CNBD2: variants seen among roughly 807,000 people sequenced by gnomAD.
CNBD2 encodes cyclic nucleotide-binding domain-containing protein 2.
Under a neutral mutation model 63.7 loss-of-function variants are expected in CNBD2, and 64 were observed. That is an observed-to-expected ratio of 1.00 (90% CI 0.82 to 1.24). The LOEUF is 1.24. Ranked by LOEUF, CNBD2 falls within the 50% of genes most tolerant of loss-of-function variation. CNBD2 has a pLI of 0.00. For missense variants in CNBD2, 691 were observed against 713.5 expected, an observed-to-expected ratio of 0.97 and a Z score of 0.36; for synonymous variants, 229 against 255.4, an observed-to-expected ratio of 0.90 and a Z score of 0.99.
intron 2 of CNBD2, among the ~76,000 whole-genome samples, chr20:35,960,682 G>A (rs1248878127): frequency 6.7e-6 from 1 of 150,058 alleles, no homozygotes; most frequent in East Asian, 2.0e-4. Flanking sequence ...TCTCTATACT[G>A]CCATACTCCT....
chr20:35,985,251 A>T (rs1250584590), intron 6 of CNBD2, among the ~76,000 whole-genome samples: 1 of 152,054 alleles, frequency 6.6e-6, no homozygotes, highest in Non-Finnish European at 1.5e-5. Context: ...GTGAGTTGTG[A>T]TCGCATCACT....
intron 4 of CNBD2, among the ~76,000 whole-genome samples, chr20:35,983,482 C>G (rs1329648648): frequency 1.3e-5 from 2 of 152,062 alleles, no homozygotes; most frequent in African/African-American, 4.8e-5. Context: ...ATGATAAGAC[C>G]ATTATCTGTG....
intron 8 of CNBD2, among the ~76,000 whole-genome samples, chr20:35,997,012 A>C (rs1260430408): frequency 1.3e-5 from 2 of 152,198 alleles, no homozygotes; most frequent in Non-Finnish European, 2.9e-5. Flanking sequence ...GACGTTGTCA[A>C]GTAGCAGCCT....
intron 11 of CNBD2, among the ~76,000 whole-genome samples, chr20:36,027,677 AT>A (rs1199936284): frequency 4.5e-3 from 630 of 141,342 alleles, no homozygotes; most frequent in Middle Eastern, 7.5e-3. Context: ...ATCATTTGTA[AT>A]TTTTTTTTTT....
intron 10 of CNBD2, among the ~76,000 whole-genome samples, chr20:36,017,607 C>T (rs975889728): frequency 1.3e-5 from 2 of 152,184 alleles, no homozygotes; most frequent in African/African-American, 2.4e-5. Context: ...CTGCCCTGTT[C>T]CCCAAAACAG....
chr20:35,971,157 C>T (rs1381746454), intron 1 of CNBD2, among the ~76,000 whole-genome samples: 2 of 150,924 alleles, frequency 1.3e-5, no homozygotes, highest in Non-Finnish European at 3.0e-5. Context: ...CCGTGTTAGC[C>T]GGGATGGTCT....
intron 1 of CNBD2, among the ~76,000 whole-genome samples, chr20:35,971,172 C>T (rs1190979680): frequency 6.6e-6 from 1 of 151,918 alleles, no homozygotes; most frequent in Non-Finnish European, 1.5e-5. Context: ...TGGTCTCGAT[C>T]TCCTGACCTC....
intron 7 of CNBD2, among the ~76,000 whole-genome samples, chr20:35,993,761 T>G (rs1489932161): frequency 2.0e-5 from 3 of 152,042 alleles, no homozygotes; most frequent in Admixed American, 2.0e-4. Context: ...AAACTTTCAA[T>G]TTTGGAATAA....
At chr20:35,975,833 T>C in intron 2 of CNBD2, 116 bp from the exon 3 acceptor site, 1 of 902,968 alleles carries the variant, frequency 1.1e-6, no homozygotes, top group Admixed American at 2.1e-5. Context: ...TGCTATGAGG[T>C]TTCCCATGGC....
intron 4 of CNBD2, among the ~76,000 whole-genome samples, chr20:35,983,666 G>T (rs1037398452): frequency 6.6e-6 from 1 of 152,214 alleles, no homozygotes; most frequent in African/African-American, 2.4e-5. Flanking sequence ...CCCATTCATT[G>T]CTTTCAGCAT....
intron 1 of CNBD2, 33 bp downstream of exon 1, chr20:35,968,846 G>A: frequency 1.3e-6 from 2 of 1,558,320 alleles, no homozygotes; most frequent in Non-Finnish European, 1.8e-6. Context: ...GGAGGGAAGA[G>A]CAGAAGACTG....
rs1441512426 is a variant in CNBD2 at position 36,030,386 on chromosome 20, A to G, written c.1469A>G (p.Gln490Arg). 18 of 1,614,158 alleles carry G rather than the reference A, an allele frequency of 1.1e-5. No individual in the cohort carries two copies. The highest frequency in any genetic ancestry group is 1.5e-5 in the Non-Finnish European group (18 of 1,180,022). ...GAAGATATGTGCCAGAAGTTCCTCC[A>G]GCAGAACAGCTGGAATATCTTTCGG... The part of the protein sequence containing the change: ...SDEDMCQKFL[Q>R]QNSWNIFRKD... The change falls in exon 12 of 12, where the codon CAG becomes CGG. Residue 490 changes from glutamine to arginine, a missense_variant. Transcript: ENST00000373973.
intron 11 of CNBD2, among the ~76,000 whole-genome samples, chr20:36,026,036 T>TTG (rs1296132441): frequency 4.0e-5 from 6 of 151,776 alleles, no homozygotes; most frequent in South Asian, 2.1e-4. Flanking sequence ...CGGCTTTGTT[T>TTG]TGTGTGTGTG....
intron 8 of CNBD2, among the ~76,000 whole-genome samples, chr20:35,995,584 A>T (rs1167830060): frequency 6.6e-6 from 1 of 152,182 alleles, no homozygotes. Context: ...TTTATGTTGT[A>T]GCAGATATCA....
Position 35,968,749 on chromosome 20 carries a change from C to T in CNBD2, c.-14C>T. On this transcript the variant is annotated 5_prime_UTR_variant, in exon 1 of 12. Transcript: ENST00000373973. Reference sequence around the variant, plus strand: ...GCAAAGGGGCTAGTTGTGCCATTTGCCTGCACAGGAACCATGAGGAGACAT... The same window carrying T: ...GCAAAGGGGCTAGTTGTGCCATTTGTCTGCACAGGAACCATGAGGAGACAT... 1.9e-6 allele frequency: 3 copies of T among 1,604,384 alleles called. No individual in the cohort carries two copies. Among genetic ancestry groups the T allele is most frequent in the Non-Finnish European group, 2.6e-6 (3 of 1,175,930 alleles).
chr20:35,968,452 T>C (rs1170681589), upstream of CNBD2: 3 of 285,042 alleles, frequency 1.1e-5, no homozygotes, highest in Non-Finnish European at 2.1e-5. Context: ...AGTAAAAGTT[T>C]GGGTGGTTGT....
At chr20:35,961,285 CCTATCTTCTGTT>C (rs1190813090) in intron 2 of CNBD2, among the ~76,000 whole-genome samples, 1 of 152,080 alleles carries the variant, frequency 6.6e-6, no homozygotes, top group Admixed American at 6.6e-5. Context: ...TTTTTGCAGT[CCTATCTTCTGTT>C]CTCAGCAAGG....
upstream of CNBD2, among the ~76,000 whole-genome samples, chr20:35,964,660 G>A (rs6058379): frequency 7.2e-5 from 11 of 151,892 alleles, no homozygotes; most frequent in African/African-American, 2.2e-4. Context: ...CTCCCAAAGT[G>A]CTGGGATTAT....
At chr20:35,993,615 G>A (rs908059566) in intron 7 of CNBD2, among the ~76,000 whole-genome samples, 1 of 152,128 alleles carries the variant, frequency 6.6e-6, no homozygotes, top group African/African-American at 2.4e-5. Context: ...ATGAAAAATT[G>A]TAGATATACA....
Sources: allele counts gnomAD v4.1 joint callset (sites outside exome capture counted in the v4.1 genomes callset), GRCh38; gene constraint gnomAD v4.1.1; transcripts MANE v1.5; gene names NCBI Gene and HGNC (gene_info 2026-07-23, HGNC 2026-07-21).